PTPRM: variants seen among roughly 807,000 people sequenced by gnomAD.
The protein encoded by PTPRM is protein tyrosine phosphatase receptor type M, also known as receptor-type tyrosine-protein phosphatase mu.
In PTPRM, 47 loss-of-function variants were observed where a neutral mutation model predicts 186.7. That is an observed-to-expected ratio of 0.25 (90% confidence interval 0.20 to 0.32). The LOEUF (loss-of-function observed/expected upper bound fraction) is 0.32. Among genes scored for constraint, PTPRM ranks in the 10% least tolerant of loss-of-function variants. The probability of loss-of-function intolerance (pLI) is 1.00; values close to 1 mark genes in which losing one functional copy is unlikely to be tolerated. For synonymous variants in PTPRM, 668 were observed against 674.9 expected, an observed-to-expected ratio of 0.99 and a Z score of 0.16; for missense variants, 1,494 against 1,865.0, an observed-to-expected ratio of 0.80 and a Z score of 3.66.
rs571763439 is a variant in PTPRM, at chr18:7,862,330, A to AT, written c.197-25770dup. On this transcript the variant is annotated intron_variant, in intron 2 of 32. Coordinates refer to ENST00000580170, the MANE Select transcript of PTPRM (RefSeq NM_001105244.2). ...GTTGATGTGAAGTGAATATCTTCTC[A>AT]TTTTTTAGTGATGACAACGTCACAA... Among the ~76,000 whole-genome samples the AT allele has an allele frequency of 1.8e-3, 271 of 152,296 alleles. 1 individual carries two copies. Among genetic ancestry groups the AT allele is most frequent in the African/African-American group, 6.2e-3 (256 of 41,574 alleles).
chr18:8,388,756 T>C (rs1343586719), intron 31 of PTPRM, among the ~76,000 whole-genome samples: 1 of 152,064 alleles, frequency 6.6e-6, no homozygotes, highest in Non-Finnish European at 1.5e-5. Flanking sequence ...GGTCAGGAGA[T>C]CAAGACCCTC....
At chr18:7,901,794 G>A (rs115541082) in intron 3 of PTPRM, among the ~76,000 whole-genome samples, 58 of 152,276 alleles carry the variant, frequency 3.8e-4, no homozygotes, top group African/African-American at 1.4e-3. Context: ...TCATTTAGTC[G>A]TATTTATTTC....
At chr18:7,951,702 A>G (rs1331283749) in intron 6 of PTPRM, among the ~76,000 whole-genome samples, 2 of 152,140 alleles carry the variant, frequency 1.3e-5, no homozygotes, top group African/African-American at 4.8e-5. Flanking sequence ...TTTTTCTCCA[A>G]TTATAATTTT....
chr18:7,768,349 T>C (rs2042110403), intron 1 of PTPRM, among the ~76,000 whole-genome samples: 1 of 152,012 alleles, frequency 6.6e-6, no homozygotes, highest in South Asian at 2.1e-4. Context: ...AAAATTTAGC[T>C]AGGCAAGATG....
At chr18:8,312,794 T>G (rs1158170191) in intron 20 of PTPRM, among the ~76,000 whole-genome samples, 1 of 152,110 alleles carries the variant, frequency 6.6e-6, no homozygotes. Flanking sequence ...CCTCTCAGCT[T>G]TTCTCCTTCT....
At chr18:7,673,828 C>T (rs2039273234) in intron 1 of PTPRM, among the ~76,000 whole-genome samples, 1 of 152,150 alleles carries the variant, frequency 6.6e-6, no homozygotes, top group African/African-American at 2.4e-5. Context: ...CGGTCAAGGA[C>T]ATTGGGAACA....
rs113355275 is a variant in PTPRM, at chr18:7,717,864, C to T, written c.74-56285C>T. Among the ~76,000 whole-genome samples the T allele has an allele frequency of 1.5e-3, 226 of 152,234 alleles. 1 individual carries two copies. Among genetic ancestry groups the T allele is most frequent in the Non-Finnish European group, 2.3e-3 (155 of 68,020 alleles). ...GTCTTGAGTGAGTGGAGTTTGATCCCGCTGTCACTGAAGTGGCTAGCCCTT... is the reference window on the plus strand; with the variant it reads ...GTCTTGAGTGAGTGGAGTTTGATCCTGCTGTCACTGAAGTGGCTAGCCCTT... On this transcript the variant is annotated intron_variant, in intron 1 of 32. Transcript: ENST00000580170.
chr18:8,396,290 G>A (rs764780372), intron 32 of PTPRM, among the ~76,000 whole-genome samples: 7 of 152,334 alleles, frequency 4.6e-5, no homozygotes, highest in Middle Eastern at 3.4e-3. Flanking sequence ...GCTTTGTGAG[G>A]TGGTTAACCT....
chr18:8,095,754 G>A (rs2090985048), intron 11 of PTPRM, among the ~76,000 whole-genome samples: 1 of 152,012 alleles, frequency 6.6e-6, no homozygotes, highest in Non-Finnish European at 1.5e-5. Context: ...ATAGGATTTA[G>A]AGAAATCAAA....
chr18:7,756,505 A>G (rs766394396), intron 1 of PTPRM, among the ~76,000 whole-genome samples: 11 of 152,168 alleles, frequency 7.2e-5, no homozygotes, highest in Admixed American at 5.2e-4. Flanking sequence ...TCTTTACTTA[A>G]TAAGTCTGTA....
At chr18:8,197,388 C>A (rs2093794154) in intron 14 of PTPRM, among the ~76,000 whole-genome samples, 1 of 152,140 alleles carries the variant, frequency 6.6e-6, no homozygotes, top group African/African-American at 2.4e-5. Flanking sequence ...ATGTGGTCAT[C>A]AACTCTTAAA....
chr18:7,815,732 A>G (rs1187972095), intron 2 of PTPRM: 1 of 152,178 alleles, frequency 6.6e-6, no homozygotes, highest in African/African-American at 2.4e-5. Context: ...GAAAAGAAAT[A>G]GAGGCCTAGT....
chr18:8,352,910 T>C (rs1436581901), intron 23 of PTPRM, among the ~76,000 whole-genome samples: 1 of 152,148 alleles, frequency 6.6e-6, no homozygotes, highest in African/African-American at 2.4e-5. Context: ...GACCTTGTGA[T>C]CCACCTGCCT....
intron 14 of PTPRM, among the ~76,000 whole-genome samples, chr18:8,191,146 C>T (rs2093704235): frequency 1.3e-5 from 2 of 152,170 alleles, no homozygotes; most frequent in South Asian, 4.1e-4. Flanking sequence ...AGAAAAGCTG[C>T]AGTCACACAG....
chr18:7,790,280 A>G (rs1376778151), intron 2 of PTPRM, among the ~76,000 whole-genome samples: 1 of 152,230 alleles, frequency 6.6e-6, no homozygotes, highest in African/African-American at 2.4e-5. Flanking sequence ...TTAGAGACAT[A>G]TTCTCAGCAA....
intron 7 of PTPRM, among the ~76,000 whole-genome samples, chr18:7,975,547 AAC>A (rs1327277533): frequency 6.6e-6 from 1 of 152,234 alleles, no homozygotes; most frequent in Non-Finnish European, 1.5e-5. Flanking sequence ...GGTTCCACAT[AAC>A]AGTCTTTCAG....
At chr18:7,871,305 G>A (rs900043424) in intron 2 of PTPRM, among the ~76,000 whole-genome samples, 1 of 152,166 alleles carries the variant, frequency 6.6e-6, no homozygotes, top group African/African-American at 2.4e-5. Context: ...ATTTGCATTT[G>A]TGTGTGCTCT....
In PTPRM at chr18:8,314,778, C is replaced by T. The variant is rs769854751; in HGVS notation, c.2843-3C>T. The T allele has an allele frequency of 6.2e-6, 10 of 1,610,412 alleles. No individual in the cohort carries two copies. The Admixed American group carries it at 8.4e-5, about 13-fold the overall frequency. On this transcript the variant is annotated splice_polypyrimidine_tract_variant and splice_region_variant and intron_variant, in intron 20 of 32. Transcript: ENST00000580170. The stretch of plus-strand genomic sequence containing the variant: ...GTTATTTTCTGTCCCTTTTCCTTTG[C>T]AGACGATCATTCCCGAGTGAGGCTG...
At chr18:8,031,084 TAAGCAA>T (rs1191504166) in intron 7 of PTPRM, among the ~76,000 whole-genome samples, 1 of 152,240 alleles carries the variant, frequency 6.6e-6, no homozygotes, top group Non-Finnish European at 1.5e-5. Context: ...TTGAGAAATT[TAAGCAA>T]TTACTTAATA....
Sources: allele counts gnomAD v4.1 joint callset (sites outside exome capture counted in the v4.1 genomes callset), GRCh38; gene constraint gnomAD v4.1.1; transcripts MANE v1.5; gene names NCBI Gene and HGNC (gene_info 2026-07-23, HGNC 2026-07-21).